The following CDH12 variants were observed in gnomAD, a reference collection of about 807,000 sequenced individuals.
CDH12 encodes cadherin 12.
Under a neutral mutation model 74.1 loss-of-function variants are expected in CDH12, and 41 were observed. That is an observed-to-expected ratio of 0.55 (90% CI 0.43 to 0.72). The LOEUF is 0.72. CDH12 is among the 30% of genes least tolerant of loss of function. The pLI is 0.00. For synonymous variants in CDH12, 399 were observed against 355.0 expected, an observed-to-expected ratio of 1.12 and a Z score of -1.39; for missense variants, 945 against 977.2, an observed-to-expected ratio of 0.97 and a Z score of 0.44.
chr5:21,921,626 T>A (rs1049352158), intron 6 of CDH12, among the ~76,000 whole-genome samples: 2 of 152,190 alleles, frequency 1.3e-5, no homozygotes, highest in Admixed American at 1.3e-4. Flanking sequence ...AGTCCAATGA[T>A]CAGATGAAAA....
At chr5:22,222,505 G>C (rs1752052356) in intron 3 of CDH12, among the ~76,000 whole-genome samples, 1 of 151,724 alleles carries the variant, frequency 6.6e-6, no homozygotes, top group Non-Finnish European at 1.5e-5. Flanking sequence ...CAATCTCACT[G>C]AATTTGTACT....
At chr5:22,752,019 G>A (rs758077365) in intron 1 of CDH12, among the ~76,000 whole-genome samples, 10 of 152,076 alleles carry the variant, frequency 6.6e-5, no homozygotes, top group Admixed American at 1.3e-4. Context: ...ATGCCGTATA[G>A]TTTAATTGCT....
chr5:22,308,867 G>C, intron 3 of CDH12, among the ~76,000 whole-genome samples: 2 of 142,080 alleles, frequency 1.4e-5, no homozygotes, highest in Non-Finnish European at 3.1e-5. Flanking sequence ...GAGAGAGAGA[G>C]AGGAGAGAGA....
chr5:22,444,633 G>C (rs1744748991), intron 2 of CDH12, among the ~76,000 whole-genome samples: 1 of 151,068 alleles, frequency 6.6e-6, no homozygotes, highest in African/African-American at 2.4e-5. Flanking sequence ...AACACGACTT[G>C]GGTAAAATGG....
chr5:22,610,463 A>G (rs184543481), intron 1 of CDH12, among the ~76,000 whole-genome samples: 25 of 152,268 alleles, frequency 1.6e-4, no homozygotes, highest in African/African-American at 5.3e-4. Context: ...CTGCAGATGT[A>G]GGATAATGCA....
chr5:22,558,223 T>C (rs1425059917), intron 1 of CDH12, among the ~76,000 whole-genome samples: 1 of 151,726 alleles, frequency 6.6e-6, no homozygotes, highest in Non-Finnish European at 1.5e-5. Context: ...GTATCAGAGG[T>C]AGAAGTTACA....
chr5:22,437,678 T>C (rs1035019120), intron 2 of CDH12, among the ~76,000 whole-genome samples: 1 of 151,966 alleles, frequency 6.6e-6, no homozygotes, highest in Non-Finnish European at 1.5e-5. Context: ...CTTTGGAGAA[T>C]TACACTATGA....
At chr5:22,755,749 A>C (rs1029227376) in intron 1 of CDH12, among the ~76,000 whole-genome samples, 1 of 152,122 alleles carries the variant, frequency 6.6e-6, no homozygotes, top group Non-Finnish European at 1.5e-5. Flanking sequence ...GCAATATTAC[A>C]TTTCTAAAGT....
Position 22,693,482 on chromosome 5 carries a change from T to A in CDH12, c.-523+159576A>T, listed in dbSNP as rs1406017299. Among the ~76,000 whole-genome samples, 5 of 152,228 alleles carry A rather than the reference T, an allele frequency of 3.3e-5. No homozygotes were observed. The South Asian group carries it at 1.0e-3, about 32-fold the overall frequency. ...ACTTAGATTGGGGCTTTATACCATC[T>A]TTCTAAAGTAAAGAAATAACCCATT... On this transcript the variant is annotated intron_variant, in intron 1 of 14. Coordinates refer to ENST00000382254, the MANE Select transcript of CDH12 (RefSeq NM_004061.5).
chr5:22,519,424 C>CTTT (rs373678915), intron 1 of CDH12, among the ~76,000 whole-genome samples: 1 of 140,728 alleles, frequency 7.1e-6, no homozygotes, highest in African/African-American at 2.6e-5. Flanking sequence ...TATCCACACT[C>CTTT]TTTTTTTTTT....
At chr5:21,759,585 T>G (rs930760924) in intron 13 of CDH12, among the ~76,000 whole-genome samples, 14 of 152,116 alleles carry the variant, frequency 9.2e-5, no homozygotes, top group Non-Finnish European at 1.9e-4. Context: ...ATTGTATACA[T>G]TAAGAATCTG....
intron 4 of CDH12, among the ~76,000 whole-genome samples, chr5:22,125,256 C>T (rs192073824): frequency 5.9e-5 from 9 of 152,162 alleles, no homozygotes; most frequent in Admixed American, 1.3e-4. Context: ...GCTCTCCCTC[C>T]CCTTGTCCCC....
rs541890225 is a variant in CDH12 at position 22,579,747 on chromosome 5, A to C, written c.-522-74383T>G. 4.6e-5 allele frequency among the ~76,000 whole-genome samples: 7 copies of C among 152,338 alleles called. No individual in the cohort carries two copies. The East Asian group carries it at 9.6e-4, about 21-fold the overall frequency. ...ATTTACAAAAATCATTTAGAGTAAA[A>C]TCACATTTTTATTTCAACAAATATA... is the stretch of plus-strand genomic sequence containing the variant. On this transcript the variant is annotated intron_variant, in intron 1 of 14. Transcript: ENST00000382254.
intron 5 of CDH12, among the ~76,000 whole-genome samples, chr5:22,025,660 T>C (rs1405856489): frequency 1.3e-5 from 2 of 152,180 alleles, no homozygotes; most frequent in Non-Finnish European, 2.9e-5. Flanking sequence ...TCCTCTAGCA[T>C]GAAATGCTGC....
intron 2 of CDH12, among the ~76,000 whole-genome samples, chr5:22,440,599 G>A (rs777506493): frequency 5.3e-5 from 8 of 152,084 alleles, no homozygotes; most frequent in Non-Finnish European, 8.8e-5. Context: ...AACCATCCTT[G>A]TTCTGGTTGC....
chr5:21,800,024 T>C (rs1167667836), intron 10 of CDH12, among the ~76,000 whole-genome samples: 1 of 152,074 alleles, frequency 6.6e-6, no homozygotes, highest in African/African-American at 2.4e-5. Flanking sequence ...TTTAATGGAG[T>C]TTCCCCTGTT....
intron 1 of CDH12, among the ~76,000 whole-genome samples, chr5:22,586,837 ATTTT>A (rs11417237): frequency 7.6e-5 from 8 of 105,448 alleles, no homozygotes; most frequent in African/African-American, 2.6e-4. Flanking sequence ...TTAGAGGAGG[ATTTT>A]TTTTTTTTTT....
At position 21,751,598 on chromosome 5, in the gene CDH12, T is replaced by A. The variant is rs1341025092; in HGVS notation, c.*139A>T. 2 of 438,338 alleles carry A rather than the reference T, an allele frequency of 4.6e-6. No homozygotes were observed. The highest frequency in any genetic ancestry group is 6.9e-5 in the East Asian group (2 of 28,972). The allele number at this position is 438,338 out of a possible 1,614,324, so 27.2% of individuals were successfully genotyped here. A position where few individuals can be genotyped will look rare whatever the true frequency, so the allele number is the denominator to read the frequency against. On this transcript the variant is annotated 3_prime_UTR_variant, in exon 15 of 15. Transcript: ENST00000382254. ...ACTAGAAACCAGGTAATCAAAGGAATCTTGTCCCAGAGTGTGTGTGTGTGT... is the reference window on the plus strand; with the variant it reads ...ACTAGAAACCAGGTAATCAAAGGAAACTTGTCCCAGAGTGTGTGTGTGTGT...
intron 3 of CDH12, among the ~76,000 whole-genome samples, chr5:22,232,784 A>G (rs574447045): frequency 3.4e-4 from 51 of 150,422 alleles, no homozygotes; most frequent in Non-Finnish European, 7.4e-4. Flanking sequence ...TTTTTCTTTT[A>G]TTCATTCTCT....
Sources: allele counts gnomAD v4.1 joint callset (sites outside exome capture counted in the v4.1 genomes callset), GRCh38; gene constraint gnomAD v4.1.1; transcripts MANE v1.5; gene names NCBI Gene and HGNC (gene_info 2026-07-23, HGNC 2026-07-21).